The following CCDC13 variants were observed in gnomAD, a reference collection of about 807,000 sequenced individuals.
CCDC13 encodes the protein coiled-coil domain-containing protein 13.
CCDC13 carries 70 observed loss-of-function variants against 87.3 expected under a neutral mutation model. The ratio of observed to expected loss-of-function variants is 0.80; its 90% confidence interval spans 0.66 to 0.98. CCDC13 has a LOEUF of 0.98. CCDC13 is among the 50% of genes least tolerant of loss of function. The pLI, the probability that CCDC13 is intolerant of heterozygous loss-of-function variation, is 0.00. For synonymous variants in CCDC13, 317 were observed against 360.3 expected, an observed-to-expected ratio of 0.88 and a Z score of 1.36; for missense variants, 842 against 892.0, an observed-to-expected ratio of 0.94 and a Z score of 0.71.
In CCDC13 at chr3:42,757,146, A is replaced by G; in HGVS notation, c.290T>C (p.Leu97Ser). Residue 97 changes from leucine (L) to serine (S), a missense_variant, in exon 3 of 16, where the codon TTG (leucine) becomes TCG (serine). By Grantham distance (145) the Leu-to-Ser change is moderately radical. Coordinates refer to ENST00000310232, the MANE Select transcript of CCDC13 (RefSeq NM_144719.4). Reference sequence around the variant, plus strand: ...GTCCCTTTCCTTCAGCAGCTTATACAATCGCCCGTTCTCGTCCACCGTTTC... The same window carrying G: ...GTCCCTTTCCTTCAGCAGCTTATACGATCGCCCGTTCTCGTCCACCGTTTC... The part of the protein sequence containing the change: ...LRETVDENGR[L>S]YKLLKERDFE... The G allele has an allele frequency of 1.2e-6, 2 of 1,614,170 alleles. No homozygotes were observed. The highest frequency in any genetic ancestry group is 1.7e-6 in the Non-Finnish European group (2 of 1,180,026).
intron 13 of CCDC13, among the ~76,000 whole-genome samples, chr3:42,718,527 T>A (rs1307544099): frequency 6.6e-6 from 1 of 152,164 alleles, no homozygotes; most frequent in Non-Finnish European, 1.5e-5. Context: ...TCGCCCTGAA[T>A]TCTTTCTTGC....
At chr3:42,764,872 AT>A (rs1699901494) in intron 1 of CCDC13, among the ~76,000 whole-genome samples, 1 of 152,190 alleles carries the variant, frequency 6.6e-6, no homozygotes, top group Non-Finnish European at 1.5e-5. Context: ...CTATTATTTT[AT>A]TTACATTACT....
chr3:42,756,941 G>T (rs1323160573), intron 3 of CCDC13, 125 bp downstream of exon 3: 3 of 987,708 alleles, frequency 3.0e-6, no homozygotes, highest in East Asian at 2.5e-5. Context: ...GACTCCTCTG[G>T]ACAAGCTTGA....
chr3:42,747,039 G>T (rs1699421347), intron 6 of CCDC13: 5 of 647,422 alleles, frequency 7.7e-6, no homozygotes, highest in Non-Finnish European at 1.4e-5. Context: ...GGGGGTGGGG[G>T]TGGCAGGCTC....
intron 13 of CCDC13, 139 bp downstream of exon 13, chr3:42,730,328 G>T: frequency 1.6e-6 from 2 of 1,214,714 alleles, no homozygotes; most frequent in Non-Finnish European, 2.3e-6. Context: ...TGGGGCGCAT[G>T]AGTTGTGGCT....
intron 5 of CCDC13, among the ~76,000 whole-genome samples, chr3:42,751,001 C>T (rs868423875): frequency 2.6e-5 from 4 of 152,210 alleles, no homozygotes; most frequent in African/African-American, 9.7e-5. Flanking sequence ...GACAGGTTTA[C>T]ACAAGACTAC....
At chr3:42,718,127 G>GT (rs1185173114) in intron 13 of CCDC13, 1 of 152,220 alleles carries the variant, frequency 6.6e-6, no homozygotes, top group African/African-American at 2.4e-5. Context: ...TTCCCAGATG[G>GT]TTAAGGCATT....
In CCDC13 at chr3:42,709,043, G is replaced by C; in HGVS notation, c.2085C>G (p.Ile695Met). 6.2e-7 allele frequency: 1 copy of C among 1,614,082 alleles called. No individual in the cohort carries two copies. Among genetic ancestry groups the C allele is most frequent in the Non-Finnish European group, 8.5e-7 (1 of 1,179,956 alleles). The change falls in exon 16 of 16, where the codon ATC (isoleucine) becomes ATG (methionine). Residue 695 changes from isoleucine to methionine, a missense_variant. Transcript: ENST00000310232. ...GGAAGACACTTTTCACCTGGCCCAG[G>C]ATCTCATGGTACATCCGGAAGTCCT... ...KEEDFRMYHE[I>M]LGQVKSVFLQ... is the part of the protein sequence containing the mutation.
intron 12 of CCDC13, among the ~76,000 whole-genome samples, chr3:42,731,464 T>C (rs1158508995): frequency 1.3e-5 from 2 of 151,974 alleles, no homozygotes; most frequent in African/African-American, 4.8e-5. Flanking sequence ...TCTAAGGCCT[T>C]GCTACTACAA....
At chr3:42,760,279 A>C (rs1699800923) in intron 1 of CCDC13, among the ~76,000 whole-genome samples, 1 of 144,972 alleles carries the variant, frequency 6.9e-6, no homozygotes, top group African/African-American at 2.6e-5. Context: ...CAACAAGAGC[A>C]AAATTCTTGT....
intron 13 of CCDC13, among the ~76,000 whole-genome samples, chr3:42,718,619 A>C (rs548913721): frequency 6.6e-6 from 1 of 152,174 alleles, no homozygotes; most frequent in South Asian, 2.1e-4. Context: ...GAAGGGACTA[A>C]AGTGAGGAAA....
chr3:42,731,576 C>G (rs1453541194), intron 12 of CCDC13, among the ~76,000 whole-genome samples: 2 of 152,168 alleles, frequency 1.3e-5, no homozygotes. Flanking sequence ...CCACACTTGA[C>G]CTGGCTGATC....
At chr3:42,741,393 C>G (rs924644877) in intron 8 of CCDC13, among the ~76,000 whole-genome samples, 2 of 152,152 alleles carry the variant, frequency 1.3e-5, no homozygotes, top group African/African-American at 4.8e-5. Context: ...CTTGCTCCAA[C>G]CATGTGACCT....
chr3:42,739,831 C>T (rs1211754604), intron 8 of CCDC13, 21 bp from the exon 9 acceptor site: 3 of 1,609,056 alleles, frequency 1.9e-6, no homozygotes, highest in Non-Finnish European at 2.5e-6. Flanking sequence ...AAAGTGAGGG[C>T]ATGGGCAGCA....
rs149015227 is a variant in CCDC13 at position 42,753,127 on chromosome 3, C to A, written c.371-410G>T. ...GGCTCAACCATTTGGCTTGCTTTGG[C>A]CAATAGCATGTTAACAGATAAGGTG... is the stretch of plus-strand genomic sequence containing the variant. On this transcript the variant is annotated intron_variant, in intron 3 of 15. Coordinates refer to ENST00000310232, the MANE Select transcript of CCDC13 (RefSeq NM_144719.4). 6.0e-4 allele frequency among the ~76,000 whole-genome samples: 92 copies of A among 152,260 alleles called. No homozygotes were observed. The East Asian group carries it at 0.017, about 28-fold the overall frequency.
At chr3:42,724,147 AAC>A (rs544395761) in intron 13 of CCDC13, among the ~76,000 whole-genome samples, 99 of 152,352 alleles carry the variant, frequency 6.5e-4, no homozygotes, top group Admixed American at 2.9e-3. Flanking sequence ...ATAATAAACC[AAC>A]AGCAAAACAT....
chr3:42,770,651 C>T (rs982705365), intron 1 of CCDC13: 2 of 152,376 alleles, frequency 1.3e-5, no homozygotes, highest in African/African-American at 4.8e-5. Context: ...TTCTTTTGCT[C>T]TTTGCACTAA....
chr3:42,727,015 T>C (rs1698705177), intron 13 of CCDC13, among the ~76,000 whole-genome samples: 1 of 152,190 alleles, frequency 6.6e-6, no homozygotes. Context: ...TACCCATCTA[T>C]TTAGAATTCT....
intron 2 of CCDC13, among the ~76,000 whole-genome samples, chr3:42,757,838 C>T (rs1405066705): frequency 6.6e-6 from 1 of 151,998 alleles, no homozygotes; most frequent in South Asian, 2.1e-4. Flanking sequence ...AGAAATAAAA[C>T]AAGAAAACCC....
Sources: allele counts gnomAD v4.1 joint callset (sites outside exome capture counted in the v4.1 genomes callset), GRCh38; gene constraint gnomAD v4.1.1; transcripts MANE v1.5; gene names NCBI Gene and HGNC (gene_info 2026-07-23, HGNC 2026-07-21).